Variants in LOC400499 observed in about 807,000 individuals in gnomAD.
chr16:11,465,512 G>C, the LOC400499 span: 2 of 152,056 alleles, frequency 1.3e-5, no homozygotes, highest in African/African-American at 4.8e-5. Context: ...AAACGACTAA[G>C]TTCCGTCCAG....
At chr16:11,425,326 C>G in the LOC400499 span, 1 of 399,184 alleles carries the variant, frequency 2.5e-6, no homozygotes, top group Non-Finnish European at 4.4e-6. Context: ...CTGTTCTGGG[C>G]AAGGACACAG....
chr16:11,385,899 CG>C, the LOC400499 span, among the ~76,000 whole-genome samples: 2 of 152,262 alleles, frequency 1.3e-5, no homozygotes, highest in East Asian at 3.9e-4. Context: ...CGGCCAGGCA[CG>C]GCGGCGCTAA....
At chr16:11,457,327 C>T in the LOC400499 span, among the ~76,000 whole-genome samples, 1 of 152,142 alleles carries the variant, frequency 6.6e-6, no homozygotes, top group Non-Finnish European at 1.5e-5. Context: ...GGCACGGTGG[C>T]TCACGCCTGT....
chr16:11,494,480 A>G, the LOC400499 span: 31 of 273,198 alleles, frequency 1.1e-4, no homozygotes, highest in Non-Finnish European at 1.6e-4. Flanking sequence ...AAAGGGGGGA[A>G]CCCACCCCCA....
chr16:11,391,714 G>C, the LOC400499 span: 5 of 1,232,284 alleles, frequency 4.1e-6, no homozygotes, highest in Non-Finnish European at 5.1e-6. Flanking sequence ...AGCCACTCCA[G>C]GTAAAGAGGC....
chr16:11,511,448 C>G, the LOC400499 span, among the ~76,000 whole-genome samples: 1 of 152,238 alleles, frequency 6.6e-6, no homozygotes, highest in South Asian at 2.1e-4. Flanking sequence ...GACTCCAAAG[C>G]CTCCTGGGAA....
the LOC400499 span, among the ~76,000 whole-genome samples, chr16:11,461,895 G>A: frequency 6.6e-6 from 1 of 152,256 alleles, no homozygotes; most frequent in East Asian, 1.9e-4. Context: ...TCTTATCGTG[G>A]GTCAGAATAA....
chr16:11,473,270 G>A, the LOC400499 span: 4 of 148,792 alleles, frequency 2.7e-5, no homozygotes, highest in Non-Finnish European at 5.9e-5. Context: ...CAACTTAAAT[G>A]CAAAAAAGAA....
chr16:11,451,422 ATAC>A, the LOC400499 span, among the ~76,000 whole-genome samples: 1 of 152,184 alleles, frequency 6.6e-6, no homozygotes, highest in South Asian at 2.1e-4. Flanking sequence ...TCTACAACAA[ATAC>A]AAAAATTAGC....
the LOC400499 span, among the ~76,000 whole-genome samples, chr16:11,401,885 A>G: frequency 6.6e-6 from 1 of 152,104 alleles, no homozygotes; most frequent in Non-Finnish European, 1.5e-5. Context: ...CTGCCCCCCC[A>G]GTGCCTTTCC....
the LOC400499 span, among the ~76,000 whole-genome samples, chr16:11,405,435 G>T: frequency 6.6e-6 from 1 of 152,182 alleles, no homozygotes; most frequent in African/African-American, 2.4e-5. Context: ...ATGGGATAAG[G>T]TGACAAGGAT....
At chr16:11,379,624 G>A in the LOC400499 span, among the ~76,000 whole-genome samples, 181 of 152,368 alleles carry the variant, frequency 1.2e-3, 4 homozygotes, top group South Asian at 0.012. Context: ...GGACTGCGGT[G>A]ACCAGTTGCT....
the LOC400499 span, among the ~76,000 whole-genome samples, chr16:11,501,379 T>G: frequency 2.0e-4 from 30 of 152,164 alleles, no homozygotes; most frequent in Non-Finnish European, 3.7e-4. Flanking sequence ...TTTTTGTGAG[T>G]TAGGGTCTCA....
chr16:11,449,161 C>G, the LOC400499 span: 1 of 1,316,408 alleles, frequency 7.6e-7, no homozygotes, highest in African/African-American at 1.4e-5. Context: ...ATTTCCTCCA[C>G]CTGGGATACC....
At chr16:11,478,656 A>G in the LOC400499 span, 1 of 399,164 alleles carries the variant, frequency 2.5e-6, no homozygotes, top group Non-Finnish European at 4.4e-6. Flanking sequence ...CGCATCGCAG[A>G]GCCTGCCGGG....
At chr16:11,504,031 G>C in the LOC400499 span, among the ~76,000 whole-genome samples, 1 of 152,104 alleles carries the variant, frequency 6.6e-6, no homozygotes, top group Non-Finnish European at 1.5e-5. Flanking sequence ...TGTGCAGATG[G>C]GCACCTGGGG....
the LOC400499 span, among the ~76,000 whole-genome samples, chr16:11,463,659 G>A: frequency 3.3e-5 from 5 of 152,136 alleles, no homozygotes; most frequent in Admixed American, 2.6e-4. Context: ...GTGTGAATAT[G>A]GATGTGTATG....
the LOC400499 span, chr16:11,493,542 A>G: frequency 1.2e-4 from 48 of 391,208 alleles, no homozygotes; most frequent in African/African-American, 9.1e-4. Context: ...TGCTCATTAA[A>G]TACATGATGA....
At chr16:11,505,796 G>A in the LOC400499 span, among the ~76,000 whole-genome samples, 3 of 152,028 alleles carry the variant, frequency 2.0e-5, no homozygotes, top group South Asian at 2.1e-4. Flanking sequence ...CAGGGTACCC[G>A]TGAAATAATT....
Sources: allele counts gnomAD v4.1 joint callset (sites outside exome capture counted in the v4.1 genomes callset), GRCh38; gene constraint gnomAD v4.1.1; transcripts MANE v1.5.